ANXA4: variants seen among roughly 807,000 people sequenced by gnomAD.
ANXA4 encodes annexin A4.
Under a neutral mutation model 49.8 loss-of-function variants are expected in ANXA4, and 39 were observed. The observed-to-expected ratio is 0.78, with a 90% CI of 0.61 to 1.02. The LOEUF (loss-of-function observed/expected upper bound fraction) is 1.02. ANXA4 is among the 50% of genes least tolerant of loss of function. The probability of loss-of-function intolerance (pLI) is 0.00; values close to 1 mark genes in which losing one functional copy is unlikely to be tolerated. For missense variants in ANXA4, 360 were observed against 410.1 expected (o/e 0.88, Z 1.05); for synonymous variants, 134 against 152.5 (o/e 0.88, Z 0.89).
At chr2:69,814,243 C>G (rs1210116761) in intron 8 of ANXA4, among the ~76,000 whole-genome samples, 1 of 151,898 alleles carries the variant, frequency 6.6e-6, no homozygotes, top group Admixed American at 6.6e-5. Flanking sequence ...GAAGGAGCAC[C>G]CAGAAAGCAA....
chr2:69,722,033 T>A (rs1170519645), intron 3 of ANXA4, among the ~76,000 whole-genome samples: 1 of 152,196 alleles, frequency 6.6e-6, no homozygotes, highest in East Asian at 1.9e-4. Flanking sequence ...CTCCTAAGTA[T>A]CTCACAGGGT....
chr2:69,644,758 C>G (rs996721343), exon 1 of ANXA4: 8 of 152,254 alleles, frequency 5.3e-5, no homozygotes, highest in Non-Finnish European at 1.2e-4. Context: ...CCCTTGCACA[C>G]AAGAACACTA....
intron 1 of ANXA4, among the ~76,000 whole-genome samples, chr2:69,778,552 G>C (rs970827339): frequency 3.3e-5 from 5 of 152,174 alleles, no homozygotes; most frequent in African/African-American, 1.2e-4. Flanking sequence ...GAGGCGGGCA[G>C]ATCACCTGAC....
intron 12 of ANXA4, among the ~76,000 whole-genome samples, chr2:69,822,228 G>A (rs911692967): frequency 1.3e-5 from 2 of 152,048 alleles, no homozygotes; most frequent in Non-Finnish European, 1.5e-5. Context: ...GGGTGTGGTG[G>A]TGCACGCCTG....
upstream of ANXA4, chr2:69,644,310 C>T (rs992540586): frequency 6.6e-6 from 1 of 152,068 alleles, no homozygotes; most frequent in Non-Finnish European, 1.5e-5. Flanking sequence ...AACCGCTTAG[C>T]CCCTAGCGGG....
intron 2 of ANXA4, among the ~76,000 whole-genome samples, chr2:69,783,278 C>T (rs528776230): frequency 7.2e-5 from 11 of 152,120 alleles, no homozygotes; most frequent in Non-Finnish European, 1.0e-4. Flanking sequence ...AGAGCAGTGG[C>T]GCGATCTTGG....
At chr2:69,650,226 G>A (rs577270299) in intron 1 of ANXA4, among the ~76,000 whole-genome samples, 5 of 152,026 alleles carry the variant, frequency 3.3e-5, no homozygotes, top group East Asian at 1.9e-4. Flanking sequence ...ATGAGCCACC[G>A]TGCTTGGCCC....
At chr2:69,821,639 A>T (rs1357115228) in intron 12 of ANXA4, among the ~76,000 whole-genome samples, 1 of 151,978 alleles carries the variant, frequency 6.6e-6, no homozygotes, top group Admixed American at 6.6e-5. Flanking sequence ...TTTTGTAGAA[A>T]TGGCGTTTCA....
chr2:69,721,713 C>T (rs1331503030), intron 3 of ANXA4, among the ~76,000 whole-genome samples: 1 of 152,014 alleles, frequency 6.6e-6, no homozygotes, highest in African/African-American at 2.4e-5. Context: ...AAAAAAATTA[C>T]TCTGGATTGT....
At chr2:69,781,656 A>G in intron 2 of ANXA4, 82 bp downstream of exon 2, 1 of 1,510,978 alleles carries the variant, frequency 6.6e-7, no homozygotes, top group East Asian at 2.3e-5. Flanking sequence ...GTTAGCTTAA[A>G]CAAAGCATTG....
intron 6 of ANXA4, 158 bp downstream of exon 6, chr2:69,808,154 C>A: frequency 1.5e-6 from 1 of 659,502 alleles, no homozygotes; most frequent in Non-Finnish European, 2.6e-6. Context: ...CCTGTTTAGC[C>A]AAATGGCGGT....
rs765355321 is a variant in ANXA4, at chr2:69,806,485, G to A, written c.293G>A (p.Arg98Gln). Residue 98 changes from arginine (R) to glutamine (Q), a missense_variant, in exon 5 of 13, where the codon CGA (arginine) becomes CAA (glutamine). Physicochemically the swap from Arg to Gln is conservative, Grantham distance 43. Coordinates refer to ENST00000394295, the MANE Select transcript of ANXA4 (RefSeq NM_001153.5). Reference protein sequence around the residue: ...PTVLYDVQELRRAMKGAGTDE... With the variant: ...PTVLYDVQELQRAMKGAGTDE... ...GTGCTGTATGACGTGCAAGAGCTGC[G>A]AAGGGCCATGAAGGTCTGTGCTCTT... The A allele has an allele frequency of 4.1e-5, 66 of 1,613,486 alleles. No homozygotes were observed. The highest frequency in any genetic ancestry group is 1.5e-4 in the South Asian group (14 of 91,058).
At position 69,685,743 on chromosome 2, in the gene ANXA4, A is replaced by T. The variant is rs1380897640; in HGVS notation, n.766+32461A>T. On this transcript the variant is annotated intron_variant and non_coding_transcript_variant, in intron 2 of 3. Transcript: ENST00000418066. ...AACGGTAACTAAGAGCCTTAACTCA[A>T]TATGAGTCAGAAGTGTAACGTGGTT... 2.0e-5 allele frequency among the ~76,000 whole-genome samples: 3 copies of T among 152,238 alleles called. No homozygotes were observed. In the East Asian group the frequency reaches 5.8e-4, roughly 29 times the overall value.
intron 2 of ANXA4, among the ~76,000 whole-genome samples, chr2:69,690,960 A>G (rs1276491909): frequency 1.3e-5 from 2 of 152,224 alleles, no homozygotes; most frequent in African/African-American, 4.8e-5. Context: ...AGAAATAACA[A>G]TAATGGTAAA....
intron 6 of ANXA4, chr2:69,808,264 T>C (rs535623456): frequency 9.9e-4 from 369 of 372,372 alleles, no homozygotes; most frequent in Non-Finnish European, 1.6e-3. Flanking sequence ...TGTTCCTTAT[T>C]ATCAGACAAA....
At position 69,775,955 on chromosome 2, in the gene ANXA4, TTTTTA is replaced by T. The variant is rs1389058747; in HGVS notation, c.-46-5556_-46-5552del. Among the ~76,000 whole-genome samples, 20 of 136,272 alleles carry T rather than the reference TTTTTA, an allele frequency of 1.5e-4. No individual in the cohort carries two copies. In the East Asian group the frequency reaches 3.2e-3, roughly 22 times the overall value. The allele number at this position is 136,272 out of a possible 152,430, so 89.4% of individuals were successfully genotyped here. ...ATTTTCTTCCAGGCCATTTTATTTATTTTTATTTTATTTATTTATTTATTTATTTA... is the reference window on the plus strand; with the variant it reads ...ATTTTCTTCCAGGCCATTTTATTTATTTTTATTTATTTATTTATTTATTTA... On this transcript the variant is annotated intron_variant, in intron 1 of 12. Coordinates refer to ENST00000394295, the MANE Select transcript of ANXA4 (RefSeq NM_001153.5).
upstream of ANXA4, chr2:69,644,069 G>A (rs922672380): frequency 2.1e-5 from 4 of 187,144 alleles, no homozygotes; most frequent in Admixed American, 1.9e-4. Flanking sequence ...GCAGCCGTGT[G>A]GCCTCCACGG....
chr2:69,720,227 G>C (rs1023211241), intron 2 of ANXA4, among the ~76,000 whole-genome samples: 4 of 152,222 alleles, frequency 2.6e-5, no homozygotes, highest in African/African-American at 9.6e-5. Flanking sequence ...TGTAATCTCT[G>C]CCTTCAATTT....
chr2:69,672,314 C>G (rs1046966485), intron 2 of ANXA4, among the ~76,000 whole-genome samples: 5 of 150,170 alleles, frequency 3.3e-5, no homozygotes, highest in African/African-American at 1.2e-4. Flanking sequence ...TCAGTGCAAC[C>G]TCTGCCTCTT....
Sources: gnomAD v4.1 joint callset for allele counts (sites outside exome capture counted in the v4.1 genomes callset) on GRCh38, gnomAD v4.1.1 for gene constraint, MANE v1.5 for transcripts, NCBI Gene and HGNC (gene_info 2026-07-23, HGNC 2026-07-21) for gene names.